The following ZNF461 variants were observed in gnomAD, a reference collection of about 807,000 sequenced individuals.
The protein encoded by ZNF461 is gonadotropin-inducible ovarian transcription factor-1.
A neutral mutation model predicts 18.3 loss-of-function variants in ZNF461; 16 were observed. The observed-to-expected ratio is 0.88, with a 90% CI of 0.59 to 1.33. The LOEUF (loss-of-function observed/expected upper bound fraction) is 1.33, where lower values mean the gene tolerates loss of function less well. ZNF461 is among the 40% of genes most tolerant of loss of function. The pLI is 0.00. For missense variants in ZNF461, 595 were observed against 669.9 expected (o/e 0.89, Z 1.23); for synonymous variants, 179 against 216.9 (o/e 0.83, Z 1.54).
Position 36,639,200 on chromosome 19 carries a change from T to C in ZNF461, c.1145A>G (p.Glu382Gly), listed in dbSNP as rs1182807241. The change falls in exon 6 of 6, where the codon GAG (glutamate) becomes GGG (glycine). Residue 382 changes from glutamate (E) to glycine (G), a missense_variant. Physicochemically the swap from Glu to Gly is moderately conservative, Grantham distance 98 (BLOSUM62 -2). Transcript: ENST00000588268. ...LTIHQRIHTGEKPYECRECGK... is the reference protein window; with the variant it reads ...LTIHQRIHTGGKPYECRECGK... ...ACATTCCCGACATTCATAGGGTTTC[T>C]CACCAGTATGAATTCTCTGATGTAT... 6.2e-7 allele frequency: 1 copy of C among 1,614,176 alleles called. No individual in the cohort carries two copies. Among genetic ancestry groups the C allele is most frequent in the Admixed American group, 1.7e-5 (1 of 60,022 alleles).
At chr19:36,656,327 T>C in intron 4 of ZNF461, 121 bp downstream of exon 4, 1 of 821,954 alleles carries the variant, frequency 1.2e-6, no homozygotes, top group Non-Finnish European at 2.1e-6. Context: ...GATTACTATA[T>C]CTTTGTAATA....
At chr19:36,659,009 C>T (rs2037773431) in intron 2 of ZNF461, among the ~76,000 whole-genome samples, 1 of 152,144 alleles carries the variant, frequency 6.6e-6, no homozygotes, top group Admixed American at 6.6e-5. Flanking sequence ...CTTATTCAAC[C>T]TATAGAATAC....
intron 4 of ZNF461, among the ~76,000 whole-genome samples, chr19:36,648,400 C>T (rs747649378): frequency 1.3e-5 from 2 of 152,104 alleles, no homozygotes; most frequent in Non-Finnish European, 2.9e-5. Flanking sequence ...CAGGTATTTA[C>T]AGCAATGCAA....
At chr19:36,641,554 A>ATAAT (rs1555795464) in intron 5 of ZNF461, among the ~76,000 whole-genome samples, 7 of 148,306 alleles carry the variant, frequency 4.7e-5, no homozygotes, top group Non-Finnish European at 1.0e-4. Context: ...ATATATATAT[A>ATAAT]ATATATATAT....
chr19:36,640,085 A>G lies in ZNF461; in HGVS notation c.302-42T>C, dbSNP rs145559994. 18 of 1,477,436 alleles carry G rather than the reference A, an allele frequency of 1.2e-5. No homozygotes were observed. In the East Asian group the frequency reaches 4.1e-4, roughly 34 times the overall value. 91.5% of individuals were successfully genotyped at this position (1,477,436 alleles called of 1,614,324 possible). A position where few individuals can be genotyped will look rare whatever the true frequency, so the allele number is the denominator to read the frequency against. ...ATATTTTAACTCCTGGTTTTGTACT[A>G]TAAGAGAAATAAAATATCTATGGTA... On this transcript the variant is annotated intron_variant, in intron 5 of 5. Transcript: ENST00000588268.
chr19:36,660,220 G>A (rs1398924633), intron 2 of ZNF461, among the ~76,000 whole-genome samples: 1 of 145,052 alleles, frequency 6.9e-6, no homozygotes, highest in Non-Finnish European at 1.5e-5. Flanking sequence ...CATGATCTCA[G>A]CTCACTGCAA....
chr19:36,665,849 G>A (rs2145426049), intron 1 of ZNF461, among the ~76,000 whole-genome samples: 1 of 152,042 alleles, frequency 6.6e-6, no homozygotes, highest in Middle Eastern at 3.4e-3. Flanking sequence ...ATGCGGGGTA[G>A]CAATGTGATT....
intron 2 of ZNF461, 101 bp from the exon 3 acceptor site, chr19:36,658,526 C>G: frequency 8.3e-7 from 1 of 1,204,708 alleles, no homozygotes; most frequent in East Asian, 2.6e-5. Flanking sequence ...AGGAGACAGT[C>G]TACTGAATAT....
intron 2 of ZNF461, among the ~76,000 whole-genome samples, chr19:36,662,080 G>GC (rs1237190710): frequency 6.6e-6 from 1 of 151,970 alleles, no homozygotes; most frequent in Non-Finnish European, 1.5e-5. Flanking sequence ...TGTTGGTCAG[G>GC]CTGGTATCGA....
chr19:36,652,981 C>G (rs1286592811), intron 4 of ZNF461, among the ~76,000 whole-genome samples: 1 of 152,196 alleles, frequency 6.6e-6, no homozygotes, highest in Non-Finnish European at 1.5e-5. Context: ...ATGGCACACA[C>G]AGATGTTCAA....
chr19:36,658,126 T>C (rs1277672457), intron 3 of ZNF461, 173 bp downstream of exon 3: 1 of 614,732 alleles, frequency 1.6e-6, no homozygotes, highest in African/African-American at 1.9e-5. Flanking sequence ...AAAATGAAAA[T>C]GTACCTCCAT....
At chr19:36,645,798 T>G (rs1057381764) in intron 4 of ZNF461, among the ~76,000 whole-genome samples, 1 of 152,168 alleles carries the variant, frequency 6.6e-6, no homozygotes, top group African/African-American at 2.4e-5. Flanking sequence ...TTTATTTATT[T>G]TTTTGAGATG....
intron 2 of ZNF461, among the ~76,000 whole-genome samples, chr19:36,663,589 A>G (rs1410899421): frequency 6.8e-6 from 1 of 146,222 alleles, no homozygotes; most frequent in South Asian, 2.1e-4. Context: ...GTGTGATCAT[A>G]GCTCACTGCA....
Position 36,639,555 on chromosome 19 carries a change from G to A in ZNF461, c.790C>T (p.Leu264=). ...AFVHCSQLKH[L]RIHNGEKRYE... is the part of the protein sequence containing the mutation. ...CGTTTTTCACCATTATGAATTCTTAGATGTTTAAGTTGTGAGCAATGAACA... is the reference window on the plus strand; with the variant it reads ...CGTTTTTCACCATTATGAATTCTTAAATGTTTAAGTTGTGAGCAATGAACA... The change falls in exon 6 of 6, where the codon CTA becomes TTA. Residue 264 remains leucine, a synonymous_variant. Transcript: ENST00000588268. 6.2e-7 allele frequency: 1 copy of A among 1,613,280 alleles called. No homozygotes were observed. The highest frequency in any genetic ancestry group is 1.1e-5 in the South Asian group (1 of 91,034).
At chr19:36,656,618 A>G (rs1049519274) in intron 3 of ZNF461, 75 bp from the exon 4 acceptor site, 1 of 1,170,004 alleles carries the variant, frequency 8.5e-7, no homozygotes, top group Non-Finnish European at 1.2e-6. Context: ...ACTGATTAAA[A>G]TAAAAATAAA....
intron 5 of ZNF461, chr19:36,640,250 T>C: frequency 2.1e-6 from 1 of 485,430 alleles, no homozygotes; most frequent in Non-Finnish European, 3.6e-6. Context: ...TGCTGAAATT[T>C]TGATCCACCT....
rs187337301 is a variant in ZNF461 at position 36,637,629 on chromosome 19, G to A, written c.*1024C>T. 8 of 226,272 alleles carry A rather than the reference G, an allele frequency of 3.5e-5. No homozygotes were observed. The highest frequency in any genetic ancestry group is 1.2e-4 in the Admixed American group (2 of 17,058). 14.0% of individuals were successfully genotyped at this position (226,272 alleles called of 1,614,324 possible). Reference sequence around the variant, plus strand: ...CAGGAGAATTTTTAACCTGGGTGGCGGAGGTTGCAGTGAGCCAAGATTGCA... The same window carrying A: ...CAGGAGAATTTTTAACCTGGGTGGCAGAGGTTGCAGTGAGCCAAGATTGCA... On this transcript the variant is annotated 3_prime_UTR_variant, in exon 6 of 6. Coordinates refer to ENST00000588268, the MANE Select transcript of ZNF461 (RefSeq NM_153257.5).
At chr19:36,653,558 G>T (rs1021293689) in intron 4 of ZNF461, among the ~76,000 whole-genome samples, 4 of 152,144 alleles carry the variant, frequency 2.6e-5, no homozygotes, top group Non-Finnish European at 5.9e-5. Flanking sequence ...CACAATCATG[G>T]CAGAAGGCAA....
At chr19:36,655,729 C>A (rs59903229) in intron 4 of ZNF461, among the ~76,000 whole-genome samples, 2 of 152,316 alleles carry the variant, frequency 1.3e-5, no homozygotes, top group African/African-American at 4.8e-5. Context: ...GTATTATACA[C>A]AATAAATCAT....
Sources: gnomAD v4.1 joint callset for allele counts (sites outside exome capture counted in the v4.1 genomes callset) on GRCh38, gnomAD v4.1.1 for gene constraint, MANE v1.5 for transcripts, NCBI Gene and HGNC (gene_info 2026-07-23, HGNC 2026-07-21) for gene names.